Variants in ARHGAP26 observed in about 807,000 individuals in gnomAD.
ARHGAP26 encodes rho GTPase-activating protein 26.
In ARHGAP26, 38 loss-of-function variants were observed where a neutral mutation model predicts 104.8. The observed-to-expected ratio is 0.36, with a 90% CI of 0.28 to 0.48. The LOEUF (loss-of-function observed/expected upper bound fraction) is 0.48, where lower values mean the gene tolerates loss of function less well. Ranked by LOEUF, ARHGAP26 falls within the 20% of genes least tolerant of loss-of-function variation. ARHGAP26 has a pLI of 0.99. For synonymous variants in ARHGAP26, 341 were observed against 340.0 expected (o/e 1.00, Z -0.03); for missense variants, 704 against 947.9 (o/e 0.74, Z 3.38).
intron 17 of ARHGAP26, among the ~76,000 whole-genome samples, chr5:143,108,832 G>A (rs1484709598): frequency 1.3e-5 from 2 of 152,152 alleles, no homozygotes; most frequent in Non-Finnish European, 2.9e-5. Context: ...AAGGATTATG[G>A]TCATGTCCAT....
Position 142,926,956 on chromosome 5 carries a change from C to T in ARHGAP26, c.1029-5091C>T, listed in dbSNP as rs80026949. On this transcript the variant is annotated intron_variant, in intron 10 of 22. Coordinates refer to ENST00000645722, the MANE Select transcript of ARHGAP26 (RefSeq NM_001135608.3). ...TTCTCATATAACCTTCCCAGCATGC[C>T]CTGAGGTGTAATCCTGGTAACGCTG... is the stretch of plus-strand genomic sequence containing the variant. 3.1e-3 allele frequency among the ~76,000 whole-genome samples: 466 copies of T among 152,244 alleles called. 2 individuals carry two copies. Among genetic ancestry groups the T allele is most frequent in the Admixed American group, 3.5e-3 (54 of 15,294 alleles).
intron 22 of ARHGAP26, among the ~76,000 whole-genome samples, chr5:143,219,355 T>C (rs1810836790): frequency 6.6e-6 from 1 of 152,216 alleles, no homozygotes; most frequent in Non-Finnish European, 1.5e-5. Flanking sequence ...TGTTAGCTTG[T>C]ATCATTATAA....
At chr5:143,111,921 G>A (rs1486695808) in intron 17 of ARHGAP26, among the ~76,000 whole-genome samples, 1 of 152,202 alleles carries the variant, frequency 6.6e-6, no homozygotes, top group Admixed American at 6.5e-5. Flanking sequence ...AGCAGTAGGT[G>A]ACGTGTTTAA....
intron 14 of ARHGAP26, among the ~76,000 whole-genome samples, chr5:143,052,611 C>G (rs1785206308): frequency 6.6e-6 from 1 of 152,172 alleles, no homozygotes; most frequent in Non-Finnish European, 1.5e-5. Flanking sequence ...TGTTTCTGAG[C>G]TGGGGACCCT....
At chr5:142,857,084 T>A (rs905884920) in intron 1 of ARHGAP26, among the ~76,000 whole-genome samples, 4 of 152,160 alleles carry the variant, frequency 2.6e-5, no homozygotes, top group African/African-American at 4.8e-5. Context: ...AGTTTCTCCC[T>A]CCATCTTCAC....
intron 11 of ARHGAP26, among the ~76,000 whole-genome samples, chr5:142,941,157 C>T (rs372024092): frequency 8.7e-5 from 12 of 137,898 alleles, no homozygotes; most frequent in African/African-American, 2.7e-4. Flanking sequence ...AATGGTAGTT[C>T]TGTTTTAAGT....
intron 20 of ARHGAP26, among the ~76,000 whole-genome samples, chr5:143,199,003 A>C (rs1158359827): frequency 6.6e-6 from 1 of 152,250 alleles, no homozygotes; most frequent in Non-Finnish European, 1.5e-5. Flanking sequence ...AGCTATTTTT[A>C]AAGTAAATTA....
At chr5:142,874,426 A>G (rs1352546707) in intron 2 of ARHGAP26, among the ~76,000 whole-genome samples, 2 of 152,204 alleles carry the variant, frequency 1.3e-5, no homozygotes, top group Non-Finnish European at 2.9e-5. Context: ...GAGTACAGGC[A>G]ATTGGGAGAC....
chr5:142,950,333 T>A (rs1768119416), intron 11 of ARHGAP26, among the ~76,000 whole-genome samples: 1 of 152,202 alleles, frequency 6.6e-6, no homozygotes, highest in South Asian at 2.1e-4. Context: ...TTTACTTCAT[T>A]TTGATTAGTG....
intron 11 of ARHGAP26, among the ~76,000 whole-genome samples, chr5:143,009,185 G>C (rs956481056): frequency 6.6e-6 from 1 of 151,792 alleles, no homozygotes; most frequent in African/African-American, 2.4e-5. Context: ...AATACTCCAG[G>C]CTAGAATCAG....
chr5:142,963,507 C>G (rs1770759865), intron 11 of ARHGAP26, among the ~76,000 whole-genome samples: 1 of 151,930 alleles, frequency 6.6e-6, no homozygotes, highest in South Asian at 2.1e-4. Context: ...ACAACCTTAC[C>G]AGCATCTCTT....
At chr5:142,828,883 G>T (rs926516302) in intron 1 of ARHGAP26, among the ~76,000 whole-genome samples, 3 of 152,206 alleles carry the variant, frequency 2.0e-5, no homozygotes, top group African/African-American at 7.2e-5. Flanking sequence ...ACACACACCA[G>T]GTCCCCGCCT....
intron 11 of ARHGAP26, among the ~76,000 whole-genome samples, chr5:143,007,783 T>C (rs1449609497): frequency 6.6e-6 from 1 of 151,140 alleles, no homozygotes; most frequent in East Asian, 1.9e-4. Context: ...TAATTGATAG[T>C]GAAAAAGTGG....
chr5:143,128,647 C>T (rs1242506346), intron 18 of ARHGAP26, among the ~76,000 whole-genome samples: 2 of 152,166 alleles, frequency 1.3e-5, no homozygotes, highest in African/African-American at 2.4e-5. Flanking sequence ...GAGAGCACCA[C>T]GCAGTCCTCG....
intron 1 of ARHGAP26, among the ~76,000 whole-genome samples, chr5:142,868,627 G>A (rs1416238889): frequency 1.3e-5 from 2 of 152,178 alleles, no homozygotes; most frequent in South Asian, 2.1e-4. Flanking sequence ...AGGATGACAT[G>A]TACTGGTGAC....
intron 1 of ARHGAP26, among the ~76,000 whole-genome samples, chr5:142,794,348 G>C (rs4912878): frequency 0.043 from 6,576 of 152,244 alleles, 193 homozygotes; most frequent in Non-Finnish European, 0.063. Context: ...TTTCCCAGAG[G>C]AATACTGGGG....
intron 19 of ARHGAP26, among the ~76,000 whole-genome samples, chr5:143,136,372 T>C (rs1358353045): frequency 6.6e-6 from 1 of 152,174 alleles, no homozygotes; most frequent in Non-Finnish European, 1.5e-5. Flanking sequence ...CAGTGAACAA[T>C]AGGGCCTTTC....
chr5:142,810,126 AT>A (rs1309072547), intron 1 of ARHGAP26, among the ~76,000 whole-genome samples: 1 of 152,180 alleles, frequency 6.6e-6, no homozygotes, highest in Non-Finnish European at 1.5e-5. Context: ...AGAAGGCAGT[AT>A]TTGGCTGATG....
At chr5:142,992,237 A>G (rs1014160420) in intron 11 of ARHGAP26, among the ~76,000 whole-genome samples, 3 of 152,076 alleles carry the variant, frequency 2.0e-5, no homozygotes, top group African/African-American at 4.8e-5. Flanking sequence ...ATGGATTCCC[A>G]TAATAAGATA....
Sources: gnomAD v4.1 joint callset for allele counts (sites outside exome capture counted in the v4.1 genomes callset) on GRCh38, gnomAD v4.1.1 for gene constraint, MANE v1.5 for transcripts, NCBI Gene and HGNC (gene_info 2026-07-23, HGNC 2026-07-21) for gene names.